DRC7: variants seen among roughly 807,000 people sequenced by gnomAD.
DRC7 encodes the protein coiled-coil domain containing 135.
A neutral mutation model predicts 104.4 loss-of-function variants in DRC7; 80 were observed. That is an observed-to-expected ratio of 0.77 (90% CI 0.64 to 0.92). DRC7 has a LOEUF of 0.92. Among genes scored for constraint, DRC7 ranks in the 40% least tolerant of loss-of-function variants. The pLI is 0.00. For missense variants in DRC7, 1,034 were observed against 1,141.1 expected, an observed-to-expected ratio of 0.91 and a Z score of 1.35; for synonymous variants, 405 against 447.3, an observed-to-expected ratio of 0.91 and a Z score of 1.19.
intron 8 of DRC7, among the ~76,000 whole-genome samples, chr16:57,708,320 T>C (rs2048755058): frequency 6.6e-6 from 1 of 152,166 alleles, no homozygotes; most frequent in South Asian, 2.1e-4. Context: ...CGACATCCAT[T>C]AGTTTCATCT....
At position 57,702,522 on chromosome 16, in the gene DRC7, G is replaced by A. The variant is rs143007602; in HGVS notation, c.699+392G>A. Among the ~76,000 whole-genome samples, 287 of 152,352 alleles carry A rather than the reference G, an allele frequency of 1.9e-3. 5 individuals carry two copies. In the South Asian group the frequency reaches 0.032, roughly 17 times the overall value. On this transcript the variant is annotated intron_variant, in intron 6 of 18. Coordinates refer to ENST00000360716, the MANE Select transcript of DRC7 (RefSeq NM_001289162.2). ...CATTTTTATATAAGAAAATAGGCCA[G>A]GTGCGGTGGCTCATGCCTGTAATCC...
Position 57,704,864 on chromosome 16 carries a change from T to C in DRC7, c.700-12T>C. On this transcript the variant is annotated splice_polypyrimidine_tract_variant and intron_variant, in intron 6 of 18. Transcript: ENST00000360716. ...CAGGGCCACTGACCCTTCCTCTTCT[T>C]TTGGGTGACAGACCATCAAGAAGGA... is the stretch of plus-strand genomic sequence containing the variant. The C allele has an allele frequency of 6.2e-7, 1 of 1,612,936 alleles. No homozygotes were observed. The highest frequency in any genetic ancestry group is 8.5e-7 in the Non-Finnish European group (1 of 1,179,514).
chr16:57,726,884 T>G lies in DRC7; in HGVS notation c.2027T>G (p.Met676Arg). ...KKLLYQYEAM[M>R]HLKREEKLSR... ...CTGCTCTACCAGTACGAGGCCATGATGCACCTGAAGAGGGAGGAGAAGCTG... is the reference window on the plus strand; with the variant it reads ...CTGCTCTACCAGTACGAGGCCATGAGGCACCTGAAGAGGGAGGAGAAGCTG... The change falls in exon 15 of 19, where the codon ATG becomes AGG. Residue 676 changes from methionine (M) to arginine (R), a missense_variant. By Grantham distance (91) the Met-to-Arg change is moderately conservative. Coordinates refer to ENST00000360716, the MANE Select transcript of DRC7 (RefSeq NM_001289162.2). 6.2e-7 allele frequency: 1 copy of G among 1,613,352 alleles called. No individual in the cohort carries two copies. The highest frequency in any genetic ancestry group is 8.5e-7 in the Non-Finnish European group (1 of 1,179,830).
chr16:57,721,538 C>T (rs1455699619), intron 9 of DRC7, 129 bp from the exon 10 acceptor site: 1 of 684,406 alleles, frequency 1.5e-6, no homozygotes, highest in Non-Finnish European at 2.6e-6. Context: ...CTCATGACCT[C>T]CAGTTCCCCT....
intron 5 of DRC7, chr16:57,701,625 C>A (rs2048659036): frequency 3.8e-6 from 1 of 261,856 alleles, no homozygotes; most frequent in Non-Finnish European, 7.3e-6. Flanking sequence ...GAAGGGGGAG[C>A]ATTGGAGCAA....
Position 57,726,212 on chromosome 16 carries a change from C to T in DRC7, c.1903C>T (p.Leu635=). 6.2e-7 allele frequency: 1 copy of T among 1,613,170 alleles called. No homozygotes were observed. Among genetic ancestry groups the T allele is most frequent in the Non-Finnish European group, 8.5e-7 (1 of 1,179,980 alleles). The change falls in exon 14 of 19, where the codon CTG becomes TTG. Residue 635 remains leucine, a synonymous_variant. Coordinates refer to ENST00000360716, the MANE Select transcript of DRC7 (RefSeq NM_001289162.2). ...DHITASKREF[L]RRTEVDSKGN... ...CATCACGGCCTCCAAGCGCGAGTTC[C>T]TGCGGCGCACCGAGGTGGACAGCAA...
At chr16:57,719,421 G>A (rs563124342) in intron 9 of DRC7, among the ~76,000 whole-genome samples, 2 of 152,294 alleles carry the variant, frequency 1.3e-5, no homozygotes, top group Admixed American at 6.5e-5. Context: ...TCCTCGGCTT[G>A]TAGATGGCTG....
chr16:57,698,152 C>A lies in DRC7; in HGVS notation c.203C>A (p.Pro68Gln). 2 of 1,613,934 alleles carry A rather than the reference C, an allele frequency of 1.2e-6. No individual in the cohort carries two copies. Among genetic ancestry groups the A allele is most frequent in the Non-Finnish European group, 1.7e-6 (2 of 1,179,978 alleles). Reference protein sequence around the residue: ...EIQITVSAELPAFTKDTIDIS... With the variant: ...EIQITVSAELQAFTKDTIDIS... ...CAGATCACTGTCTCAGCGGAGCTCC[C>A]GTGAGTGTGGCAGGGTGGGGGCCCT... Residue 68 changes from proline to glutamine, a missense_variant and splice_region_variant, in exon 3 of 19, where the codon CCG (proline) becomes CAG (glutamine). Transcript: ENST00000360716.
rs369976223 is a variant in DRC7, at chr16:57,723,165, C to T, written c.1537+35C>T. On this transcript the variant is annotated intron_variant, in intron 12 of 18. Transcript: ENST00000360716. ...TCCCCTTTCCTGGGCCACCCAGGAG[C>T]CTGGGGTAGAGGCCTCACACACCCT... is the stretch of plus-strand genomic sequence containing the variant. 14 of 1,607,354 alleles carry T rather than the reference C, an allele frequency of 8.7e-6. No homozygotes were observed. In the African/African-American group the frequency reaches 1.1e-4, roughly 12 times the overall value.
intron 17 of DRC7, 59 bp from the exon 18 acceptor site, chr16:57,730,872 C>A: frequency 6.3e-7 from 1 of 1,584,430 alleles, no homozygotes; most frequent in Admixed American, 1.7e-5. Flanking sequence ...TTGCAGCCTG[C>A]AGCCTGGGTG....
At position 57,700,151 on chromosome 16, in the gene DRC7, G is replaced by C. The variant is rs148243996; in HGVS notation, c.385G>C (p.Val129Leu). 1.2e-6 allele frequency: 2 copies of C among 1,613,596 alleles called. No individual in the cohort carries two copies. Among genetic ancestry groups the C allele is most frequent in the Admixed American group, 1.7e-5 (1 of 60,012 alleles). The change falls in exon 5 of 19, where the codon GTG becomes CTG. Residue 129 changes from valine to leucine, a missense_variant. By Grantham distance (32) the Val-to-Leu change is conservative (BLOSUM62 1). Transcript: ENST00000360716. ...ACCATCTCTCTCCTTGCAGAAGTTC[G>C]TGAGCACAACCCTCCGGCCCACACT... ...PLNECEVPKF[V>L]STTLRPTLMP...
In DRC7 at chr16:57,730,962, G is replaced by C; in HGVS notation, c.2423G>C (p.Trp808Ser). 1 of 1,613,466 alleles carries C rather than the reference G, an allele frequency of 6.2e-7. No homozygotes were observed. Among genetic ancestry groups the C allele is most frequent in the Middle Eastern group, 1.7e-4 (1 of 6,060 alleles). The change falls in exon 18 of 19, where the codon TGG becomes TCG. Residue 808 changes from tryptophan (W) to serine (S), a missense_variant. Transcript: ENST00000360716. ...CAGGAGCTGCAAAAGAAGCAGCAGT[G>C]GTACCAGGAGAACCAGGTGACGCTG... is the stretch of plus-strand genomic sequence containing the variant. ...ETQELQKKQQ[W>S]YQENQVTLTP...
chr16:57,717,628 G>A (rs1265408617), intron 8 of DRC7, among the ~76,000 whole-genome samples: 2 of 151,818 alleles, frequency 1.3e-5, no homozygotes, highest in African/African-American at 4.8e-5. Context: ...GAACCTGGGA[G>A]GCAGAGGTTG....
At chr16:57,721,021 G>A (rs544147493) in intron 9 of DRC7, among the ~76,000 whole-genome samples, 15 of 152,030 alleles carry the variant, frequency 9.9e-5, no homozygotes, top group Non-Finnish European at 1.5e-5. Context: ...AACACGGTGA[G>A]ACACCACCCT....
At chr16:57,718,095 G>A (rs200653059) in intron 8 of DRC7, among the ~76,000 whole-genome samples, 33 of 152,326 alleles carry the variant, frequency 2.2e-4, no homozygotes, top group African/African-American at 4.1e-4. Flanking sequence ...AGGTCAACAC[G>A]AGATTTCCTC....
Position 57,722,997 on chromosome 16 carries a change from C to T in DRC7, c.1409-5C>T. On this transcript the variant is annotated splice_region_variant and splice_polypyrimidine_tract_variant and intron_variant, in intron 11 of 18. Coordinates refer to ENST00000360716, the MANE Select transcript of DRC7 (RefSeq NM_001289162.2). ...GGCTGCGGCAAGTGTCCATCGGCCCCACAGGTACCAATATTTTGGAGATAA... is the reference window on the plus strand; with the variant it reads ...GGCTGCGGCAAGTGTCCATCGGCCCTACAGGTACCAATATTTTGGAGATAA... 6.2e-7 allele frequency: 1 copy of T among 1,613,798 alleles called. No homozygotes were observed. Among genetic ancestry groups the T allele is most frequent in the Non-Finnish European group, 8.5e-7 (1 of 1,179,992 alleles).
chr16:57,724,955 A>T, intron 13 of DRC7, 120 bp downstream of exon 13: 1 of 694,226 alleles, frequency 1.4e-6, no homozygotes, highest in Non-Finnish European at 2.5e-6. Context: ...ATCCAAGGGC[A>T]CCAATGATGA....
At position 57,722,725 on chromosome 16, in the gene DRC7, G is replaced by A. The variant is rs752663613; in HGVS notation, c.1292G>A (p.Arg431His). The change falls in exon 11 of 19, where the codon CGC becomes CAC. Residue 431 changes from arginine to histidine, a missense_variant. Transcript: ENST00000360716. ...IEISPEAFET[R>H]CPNGKKVIQY... ...ACTGTGTCCACAGCATTTGAGACCC[G>A]CTGCCCGAACGGGAAGAAGGTGATT... 3.8e-5 allele frequency: 62 copies of A among 1,613,534 alleles called. No homozygotes were observed. The highest frequency in any genetic ancestry group is 1.4e-4 in the South Asian group (13 of 91,086).
intron 8 of DRC7, among the ~76,000 whole-genome samples, chr16:57,708,139 C>T (rs1334275813): frequency 2.6e-5 from 4 of 152,156 alleles, no homozygotes; most frequent in African/African-American, 7.2e-5. Flanking sequence ...GGTACACACA[C>T]GCGCCTACAA....
Sources: allele counts gnomAD v4.1 joint callset (sites outside exome capture counted in the v4.1 genomes callset), GRCh38; gene constraint gnomAD v4.1.1; transcripts MANE v1.5; gene names NCBI Gene and HGNC (gene_info 2026-07-23, HGNC 2026-07-21).